The following MTMR10 variants were observed in gnomAD, a reference collection of about 807,000 sequenced individuals.
MTMR10 encodes myotubularin related protein 10.
A neutral mutation model predicts 88.1 loss-of-function variants in MTMR10; 56 were observed. The ratio of observed to expected loss-of-function variants is 0.64; its 90% confidence interval spans 0.51 to 0.79. The LOEUF (loss-of-function observed/expected upper bound fraction) is 0.79, where lower values mean the gene tolerates loss of function less well. Ranked by LOEUF, MTMR10 falls within the 30% of genes least tolerant of loss-of-function variation. MTMR10 has a pLI of 0.00. For missense variants in MTMR10, 883 were observed against 924.7 expected (o/e 0.95, Z 0.58); for synonymous variants, 380 against 340.9 (o/e 1.11, Z -1.26).
intron 12 of MTMR10, chr15:30,949,746 C>T (rs2063217589): frequency 6.6e-6 from 1 of 152,054 alleles, no homozygotes; most frequent in South Asian, 2.1e-4. Flanking sequence ...AATGGGTAAG[C>T]AAAATGCATT....
intron 2 of MTMR10, among the ~76,000 whole-genome samples, chr15:30,982,854 T>G (rs1228969394): frequency 6.6e-6 from 1 of 152,200 alleles, no homozygotes; most frequent in Admixed American, 6.5e-5. Context: ...GGAGCTGTCA[T>G]AAGCTCCTGC....
At chr15:30,957,219 T>C (rs192061214) in intron 9 of MTMR10, among the ~76,000 whole-genome samples, 12 of 152,354 alleles carry the variant, frequency 7.9e-5, no homozygotes, top group Admixed American at 4.6e-4. Context: ...GTGCTAAATA[T>C]ATAACGGTGT....
chr15:30,943,525 C>T (rs1448451856), intron 14 of MTMR10: 6 of 985,260 alleles, frequency 6.1e-6, no homozygotes, highest in East Asian at 2.3e-4. Flanking sequence ...TAACTTACTT[C>T]GTAAGTGGGG....
At chr15:30,953,483 G>T in intron 11 of MTMR10, 79 bp downstream of exon 11, 1 of 1,069,624 alleles carries the variant, frequency 9.3e-7, no homozygotes, top group Non-Finnish European at 1.4e-6. Context: ...GGCCCTCTGT[G>T]CTATTTTTGT....
chr15:30,920,816 A>C, the MTMR10 span, among the ~76,000 whole-genome samples: 1 of 152,098 alleles, frequency 6.6e-6, no homozygotes, highest in South Asian at 2.1e-4. Flanking sequence ...ACAGGGTCTC[A>C]CTCCATCACC....
intron 5 of MTMR10, among the ~76,000 whole-genome samples, chr15:30,970,627 TAGAA>T (rs1350398250): frequency 4.6e-5 from 7 of 152,138 alleles, no homozygotes; most frequent in Non-Finnish European, 1.0e-4. Flanking sequence ...CCAAAACAAT[TAGAA>T]AGCAGTTACA....
intron 2 of MTMR10, among the ~76,000 whole-genome samples, chr15:30,978,723 A>T (rs1435311513): frequency 2.0e-5 from 3 of 152,222 alleles, no homozygotes; most frequent in Non-Finnish European, 4.4e-5. Context: ...AAGATCTTAA[A>T]AAGAAGTAGT....
Position 30,941,354 on chromosome 15 carries a change from C to T in MTMR10, c.*116G>A, listed in dbSNP as rs1456828141. ...ATGTTTTTAAATATTAGTGCAAATT[C>T]CAACTATTATTCTTACATATAAAGT... On this transcript the variant is annotated 3_prime_UTR_variant, in exon 16 of 16. Transcript: ENST00000435680. The T allele has an allele frequency of 1.5e-5, 23 of 1,536,432 alleles. No homozygotes were observed. Among genetic ancestry groups the T allele is most frequent in the Non-Finnish European group, 2.0e-5 (23 of 1,144,558 alleles).
chr15:30,938,669 T>C (rs2062937602), downstream of MTMR10, among the ~76,000 whole-genome samples: 1 of 152,176 alleles, frequency 6.6e-6, no homozygotes, highest in Non-Finnish European at 1.5e-5. Context: ...CTTGACTTCT[T>C]TGAAGCCTTC....
At chr15:30,990,744 A>AT in intron 2 of MTMR10, 33 bp downstream of exon 2, 1 of 1,578,814 alleles carries the variant, frequency 6.3e-7, no homozygotes, top group South Asian at 1.1e-5. Flanking sequence ...ATACGTTGCT[A>AT]AAGTATCTGT....
chr15:30,948,898 C>A (rs548922203), intron 12 of MTMR10: 6 of 168,510 alleles, frequency 3.6e-5, no homozygotes, highest in Non-Finnish European at 7.5e-5. Context: ...GCAAACGATT[C>A]CCTCCTGTCT....
chr15:30,971,610 A>C (rs1198412884), intron 5 of MTMR10, among the ~76,000 whole-genome samples: 1 of 152,190 alleles, frequency 6.6e-6, no homozygotes, highest in Non-Finnish European at 1.5e-5. Flanking sequence ...TAATCAGAGA[A>C]CAAAGTGGAG....
the MTMR10 span, among the ~76,000 whole-genome samples, chr15:30,922,845 G>GCTCT: frequency 1.3e-5 from 2 of 152,206 alleles, no homozygotes; most frequent in African/African-American, 4.8e-5. Context: ...TCTGCCATTT[G>GCTCT]GAAGCGTTGT....
chr15:30,934,631 G>A (rs780278942), downstream of MTMR10, among the ~76,000 whole-genome samples: 7 of 152,108 alleles, frequency 4.6e-5, no homozygotes, highest in African/African-American at 1.2e-4. Flanking sequence ...TTCACCTGCC[G>A]TGGTCTCTTA....
intron 14 of MTMR10, chr15:30,943,469 G>A (rs1480577492): frequency 1.0e-5 from 10 of 985,328 alleles, no homozygotes; most frequent in Non-Finnish European, 1.2e-5. Context: ...CTGTTGGTAA[G>A]TGGATTAACA....
At chr15:30,925,341 T>G in the MTMR10 span, 8 of 1,545,626 alleles carry the variant, frequency 5.2e-6, no homozygotes, top group African/African-American at 1.4e-5. Context: ...TGTACCTGGT[T>G]TTTTTGGACC....
the MTMR10 span, chr15:30,928,436 T>A: frequency 6.6e-7 from 1 of 1,510,706 alleles, no homozygotes. Flanking sequence ...AAAATATTTC[T>A]ATTATTTTCT....
chr15:30,970,759 G>A (rs1217220324), intron 5 of MTMR10, among the ~76,000 whole-genome samples: 3 of 152,012 alleles, frequency 2.0e-5, no homozygotes, highest in Non-Finnish European at 4.4e-5. Context: ...CCAACACAGC[G>A]TATTTTTTAA....
the MTMR10 span, chr15:30,926,820 C>T: frequency 5.1e-6 from 5 of 985,296 alleles, no homozygotes; most frequent in African/African-American, 8.7e-5. Context: ...ACACACGATT[C>T]CTTTCCCAGA....
Sources: allele counts gnomAD v4.1 joint callset (sites outside exome capture counted in the v4.1 genomes callset), GRCh38; gene constraint gnomAD v4.1.1; transcripts MANE v1.5; gene names NCBI Gene and HGNC (gene_info 2026-07-23, HGNC 2026-07-21).